Variants in SLCO1A2 observed in about 807,000 individuals in gnomAD.
SLCO1A2 encodes OATP-1.
Under a neutral mutation model 69.0 loss-of-function variants are expected in SLCO1A2, and 67 were observed. The observed-to-expected ratio is 0.97, with a 90% confidence interval of 0.80 to 1.19. The LOEUF (loss-of-function observed/expected upper bound fraction) is 1.19, where lower values mean the gene tolerates loss of function less well. Ranked by LOEUF, SLCO1A2 falls within the 50% of genes most tolerant of loss-of-function variation. SLCO1A2 has a pLI of 0.00. For synonymous variants in SLCO1A2, 260 were observed against 265.9 expected (o/e 0.98, Z 0.22); for missense variants, 787 against 793.7 (o/e 0.99, Z 0.10).
intron 8 of SLCO1A2, among the ~76,000 whole-genome samples, chr12:21,299,682 T>C (rs1199753383): frequency 6.7e-6 from 1 of 150,230 alleles, no homozygotes; most frequent in Non-Finnish European, 1.5e-5. Flanking sequence ...GTTCTTAGTT[T>C]AAATTTGCTT....
rs1232324584 is a variant in SLCO1A2, at chr12:21,265,855, T to G, written c.*3693A>C. 6.6e-6 allele frequency: 1 copy of G among 152,146 alleles called. No homozygotes were observed. Among genetic ancestry groups the G allele is most frequent in the Non-Finnish European group, 1.5e-5 (1 of 68,032 alleles). 9.4% of individuals were successfully genotyped at this position (152,146 alleles called of 1,614,324 possible). A position where few individuals can be genotyped will look rare whatever the true frequency, so the allele number is the denominator to read the frequency against. ...CAGAACAGGAATTCTCCAGGCCCAGTAAATAAGAACCATTCTGTCAATTTC... is the reference window on the plus strand; with the variant it reads ...CAGAACAGGAATTCTCCAGGCCCAGGAAATAAGAACCATTCTGTCAATTTC... On this transcript the variant is annotated 3_prime_UTR_variant, in exon 15 of 15. Transcript: ENST00000683939.
At chr12:21,418,633 G>C (rs1325352094), upstream of SLCO1A2, among the ~76,000 whole-genome samples, 8 of 152,062 alleles carry the variant, frequency 5.3e-5, no homozygotes, top group Non-Finnish European at 8.8e-5. Context: ...TCACTACCAC[G>C]AGAACAGTAT....
intron 1 of SLCO1A2, among the ~76,000 whole-genome samples, chr12:21,386,616 C>A (rs1053648530): frequency 3.9e-5 from 6 of 151,962 alleles, no homozygotes; most frequent in East Asian, 1.9e-4. Flanking sequence ...ATTGTGTGGC[C>A]CCCCCAGCCA....
chr12:21,404,078 A>G (rs1941783125), intron 1 of SLCO1A2, among the ~76,000 whole-genome samples: 1 of 152,128 alleles, frequency 6.6e-6, no homozygotes, highest in Non-Finnish European at 1.5e-5. Context: ...TGAACAGTAG[A>G]CTGAGATGCG....
chr12:21,288,127 C>T (rs1286700438), intron 12 of SLCO1A2, among the ~76,000 whole-genome samples: 1 of 151,942 alleles, frequency 6.6e-6, no homozygotes, highest in Non-Finnish European at 1.5e-5. Context: ...TTTGCATGTC[C>T]TCACTTACTT....
At chr12:21,410,505 C>G (rs1228237620) in intron 1 of SLCO1A2, among the ~76,000 whole-genome samples, 2 of 152,128 alleles carry the variant, frequency 1.3e-5, no homozygotes, top group East Asian at 3.8e-4. Flanking sequence ...GGCAAATGCA[C>G]CACAATGTAG....
At chr12:21,272,682 A>G (rs1410803940) in intron 14 of SLCO1A2, among the ~76,000 whole-genome samples, 1 of 152,008 alleles carries the variant, frequency 6.6e-6, no homozygotes, top group Admixed American at 6.6e-5. Context: ...TCTCTTACAA[A>G]CAACATTTAG....
At chr12:21,300,290 G>T in intron 8 of SLCO1A2, 58 bp downstream of exon 8, 1 of 1,244,462 alleles carries the variant, frequency 8.0e-7, no homozygotes, top group Non-Finnish European at 1.1e-6. Flanking sequence ...CTAAAATACA[G>T]ACATATCTAT....
chr12:21,265,554 T>G lies in SLCO1A2; in HGVS notation c.*3994A>C, dbSNP rs1941984873. On this transcript the variant is annotated 3_prime_UTR_variant, in exon 15 of 15. Coordinates refer to ENST00000683939, the MANE Select transcript of SLCO1A2 (RefSeq NM_001386879.1). ...GTTTGTTCCTCCAACCTAGAAACTT[T>G]TAAACACTGGTGTAGTTTCTCCATG... The G allele has an allele frequency of 2.0e-5, 3 of 152,326 alleles. No individual in the cohort carries two copies. Among genetic ancestry groups the G allele is most frequent in the African/African-American group, 4.8e-5 (2 of 41,570 alleles). 9.4% of individuals were successfully genotyped at this position (152,326 alleles called of 1,614,324 possible).
chr12:21,332,064 C>G (rs958066817), intron 2 of SLCO1A2, among the ~76,000 whole-genome samples: 2 of 152,108 alleles, frequency 1.3e-5, no homozygotes, highest in Admixed American at 6.6e-5. Flanking sequence ...GTATCTGAGA[C>G]AGGTCTCAAT....
chr12:21,351,980 T>C (rs569551001), intron 2 of SLCO1A2, among the ~76,000 whole-genome samples: 146 of 152,138 alleles, frequency 9.6e-4, no homozygotes, highest in Non-Finnish European at 1.6e-3. Flanking sequence ...GGAGGACTTT[T>C]CCTGAATTTC....
intron 2 of SLCO1A2, among the ~76,000 whole-genome samples, chr12:21,322,458 G>A (rs1951749801): frequency 6.6e-6 from 1 of 152,194 alleles, no homozygotes; most frequent in African/African-American, 2.4e-5. Flanking sequence ...TAATCTGGAA[G>A]GGCAGGACAA....
chr12:21,326,168 C>G (rs1029401933), intron 2 of SLCO1A2, among the ~76,000 whole-genome samples: 2 of 152,162 alleles, frequency 1.3e-5, no homozygotes, highest in African/African-American at 4.8e-5. Context: ...GTAAGACATG[C>G]CTTTGCTCCT....
At chr12:21,328,303 G>T (rs967051768) in intron 2 of SLCO1A2, among the ~76,000 whole-genome samples, 3 of 152,154 alleles carry the variant, frequency 2.0e-5, no homozygotes, top group Non-Finnish European at 4.4e-5. Context: ...GAGAAATGGG[G>T]AAAGGACTCA....
chr12:21,270,560 C>T (rs997442658), intron 14 of SLCO1A2, among the ~76,000 whole-genome samples: 1 of 151,588 alleles, frequency 6.6e-6, no homozygotes, highest in Non-Finnish European at 1.5e-5. Flanking sequence ...GCATAATTTA[C>T]AAATGAATCA....
chr12:21,274,143 T>C (rs1392824311), intron 14 of SLCO1A2: 1 of 170,688 alleles, frequency 5.9e-6, no homozygotes, highest in Non-Finnish European at 1.3e-5. Flanking sequence ...TGAGAGCCTT[T>C]AGAGAGCAAT....
At chr12:21,346,521 CA>C (rs879780466) in intron 2 of SLCO1A2, among the ~76,000 whole-genome samples, 46 of 137,966 alleles carry the variant, frequency 3.3e-4, no homozygotes, top group Non-Finnish European at 2.7e-4. Context: ...GATATGTTAG[CA>C]AAAAAAAAAA....
chr12:21,377,929 T>C (rs1457384176), intron 1 of SLCO1A2, among the ~76,000 whole-genome samples: 1 of 152,198 alleles, frequency 6.6e-6, no homozygotes, highest in African/African-American at 2.4e-5. Context: ...TTCAAGATTT[T>C]TAAAAATGTA....
intron 8 of SLCO1A2, among the ~76,000 whole-genome samples, chr12:21,299,053 T>C (rs1948177372): frequency 6.7e-6 from 1 of 149,002 alleles, no homozygotes; most frequent in Non-Finnish European, 1.5e-5. Context: ...GTCTTTTACC[T>C]TCACACAACA....
Sources: allele counts gnomAD v4.1 joint callset (sites outside exome capture counted in the v4.1 genomes callset), GRCh38; gene constraint gnomAD v4.1.1; transcripts MANE v1.5; gene names NCBI Gene and HGNC (gene_info 2026-07-23, HGNC 2026-07-21).